Variants in CTNNA3 observed in about 807,000 individuals in gnomAD.
CTNNA3 encodes the protein catenin alpha 3.
A neutral mutation model predicts 95.7 loss-of-function variants in CTNNA3; 76 were observed. The ratio of observed to expected loss-of-function variants is 0.79; its 90% CI spans 0.66 to 0.96. CTNNA3 has a LOEUF of 0.96. Ranked by LOEUF, CTNNA3 falls within the 40% of genes least tolerant of loss-of-function variation. The pLI is 0.00. For missense variants in CTNNA3, 1,191 were observed against 1,089.8 expected, an observed-to-expected ratio of 1.09 and a Z score of -1.31; for synonymous variants, 431 against 374.4, an observed-to-expected ratio of 1.15 and a Z score of -1.74.
chr10:66,126,842 C>T (rs959899449), intron 13 of CTNNA3, among the ~76,000 whole-genome samples: 1 of 151,750 alleles, frequency 6.6e-6, no homozygotes, highest in Non-Finnish European at 1.5e-5. Flanking sequence ...ACAAATATAC[C>T]CTGAAAAGCA....
chr10:65,993,508 T>G (rs1457963771), intron 15 of CTNNA3, among the ~76,000 whole-genome samples: 7 of 152,240 alleles, frequency 4.6e-5, no homozygotes, highest in Non-Finnish European at 1.0e-4. Context: ...ACCTTCATTG[T>G]CTCTTTTTTA....
At chr10:66,586,065 G>C (rs1229167313) in intron 10 of CTNNA3, among the ~76,000 whole-genome samples, 1 of 152,104 alleles carries the variant, frequency 6.6e-6, no homozygotes, top group African/African-American at 2.4e-5. Context: ...ATTGTGAAGT[G>C]TCTTTCTCAG....
At chr10:66,268,421 C>G (rs1486135357) in intron 13 of CTNNA3, among the ~76,000 whole-genome samples, 1 of 152,132 alleles carries the variant, frequency 6.6e-6, no homozygotes, top group Non-Finnish European at 1.5e-5. Flanking sequence ...GCCCGACTAT[C>G]CAGTGGCTAC....
chr10:66,238,746 G>C (rs532794822), intron 13 of CTNNA3, among the ~76,000 whole-genome samples: 60 of 151,706 alleles, frequency 4.0e-4, no homozygotes, highest in African/African-American at 1.3e-3. Context: ...AGTTATCTCT[G>C]GGTGATAAGA....
intron 10 of CTNNA3, among the ~76,000 whole-genome samples, chr10:66,589,883 G>C (rs1843487983): frequency 5.9e-5 from 9 of 151,960 alleles, no homozygotes; most frequent in Non-Finnish European, 1.0e-4. Context: ...TGTGATATAT[G>C]AATTGTTTTT....
chr10:66,585,477 T>C (rs555461615), intron 10 of CTNNA3, among the ~76,000 whole-genome samples: 12 of 152,054 alleles, frequency 7.9e-5, no homozygotes, highest in Admixed American at 7.2e-4. Context: ...CTTGGTCTAA[T>C]CTATTTTAAA....
In CTNNA3 at chr10:67,482,029, T is replaced by A. The variant is rs1453426831; in HGVS notation, c.579+39813A>T. Among the ~76,000 whole-genome samples the A allele has an allele frequency of 3.3e-5, 5 of 152,098 alleles. No homozygotes were observed. In the East Asian group the frequency reaches 9.6e-4, roughly 29 times the overall value. ...GAATCCTTTCCCCATTGCTTGTTTT[T>A]CTCAGGTTTGTCAAAGATCAGATAG... On this transcript the variant is annotated intron_variant, in intron 5 of 17. Transcript: ENST00000433211.
At chr10:67,166,982 C>T (rs1861796532) in intron 7 of CTNNA3, among the ~76,000 whole-genome samples, 1 of 152,084 alleles carries the variant, frequency 6.6e-6, no homozygotes, top group Non-Finnish European at 1.5e-5. Flanking sequence ...TGGCACATGC[C>T]TGTAGTCCCA....
intron 13 of CTNNA3, among the ~76,000 whole-genome samples, chr10:66,269,027 A>C (rs1388633584): frequency 6.6e-6 from 1 of 152,234 alleles, no homozygotes; most frequent in Non-Finnish European, 1.5e-5. Context: ...TATTACAGCA[A>C]GTAGTATTTG....
intron 11 of CTNNA3, among the ~76,000 whole-genome samples, chr10:66,516,093 ATT>A (rs1346203298): frequency 7.1e-6 from 1 of 141,094 alleles, no homozygotes; most frequent in Non-Finnish European, 1.5e-5. Context: ...TAACCCATCT[ATT>A]CATTGGTTTT....
chr10:66,424,736 A>T (rs7076973), intron 11 of CTNNA3, among the ~76,000 whole-genome samples: 17,260 of 152,106 alleles, frequency 0.11, 1,391 homozygotes, highest in African/African-American at 0.23. Context: ...TGTGTGTGTG[A>T]AGAGAAGATA....
intron 5 of CTNNA3, among the ~76,000 whole-genome samples, chr10:67,321,031 G>A (rs917447379): frequency 2.6e-4 from 39 of 152,210 alleles, no homozygotes; most frequent in South Asian, 1.0e-3. Context: ...CCCACACAAC[G>A]CTTTTGGTTC....
intron 5 of CTNNA3, among the ~76,000 whole-genome samples, chr10:67,345,847 G>A (rs1842393147): frequency 6.6e-6 from 1 of 151,976 alleles, no homozygotes; most frequent in East Asian, 1.9e-4. Context: ...TGTTAAAAAA[G>A]GACTTACTCC....
chr10:66,299,792 C>CTTTAG (rs1230138185), intron 12 of CTNNA3, among the ~76,000 whole-genome samples: 2 of 152,100 alleles, frequency 1.3e-5, no homozygotes, highest in African/African-American at 4.8e-5. Context: ...TATATGCTTA[C>CTTTAG]TAAAAGGCCC....
rs545213427 is a variant in CTNNA3, at chr10:66,427,160, T to C, written c.1532-47808A>G. ...CCCTTTAGTTGCATACAGTGTGCTT[T>C]GCTCCAATATCCCTCCATAACTGAG... On this transcript the variant is annotated intron_variant, in intron 11 of 17. Transcript: ENST00000433211. 1.4e-4 allele frequency among the ~76,000 whole-genome samples: 21 copies of C among 152,164 alleles called. No individual in the cohort carries two copies. In the South Asian group the frequency reaches 4.1e-3, roughly 30 times the overall value.
intron 10 of CTNNA3, among the ~76,000 whole-genome samples, chr10:66,536,157 G>C (rs773871588): frequency 6.6e-6 from 1 of 151,166 alleles, no homozygotes; most frequent in African/African-American, 2.4e-5. Flanking sequence ...GAGAGAGAGA[G>C]AGAGACAGAG....
At chr10:67,720,885 C>T (rs1161401875) in intron 1 of CTNNA3, among the ~76,000 whole-genome samples, 4 of 151,954 alleles carry the variant, frequency 2.6e-5, no homozygotes, top group Admixed American at 6.6e-5. Context: ...ATCTGGGAGG[C>T]GGAGGTTGCA....
intron 7 of CTNNA3, among the ~76,000 whole-genome samples, chr10:66,884,596 A>G (rs1297687128): frequency 6.6e-6 from 1 of 152,170 alleles, no homozygotes; most frequent in East Asian, 1.9e-4. Context: ...ACACAGCCCC[A>G]GTCAATGTCT....
At chr10:67,404,078 A>G (rs975038562) in intron 5 of CTNNA3, among the ~76,000 whole-genome samples, 8 of 152,234 alleles carry the variant, frequency 5.3e-5, no homozygotes, top group African/African-American at 1.7e-4. Context: ...AAAGGTAGAT[A>G]AGCCAACAAA....
Sources: gnomAD v4.1 joint callset for allele counts (sites outside exome capture counted in the v4.1 genomes callset) on GRCh38, gnomAD v4.1.1 for gene constraint, MANE v1.5 for transcripts, NCBI Gene and HGNC (gene_info 2026-07-23, HGNC 2026-07-21) for gene names.